The following THEMIS variants were observed in gnomAD, a reference collection of about 807,000 sequenced individuals.
The protein encoded by THEMIS is thymocyte selection associated.
THEMIS carries 37 observed loss-of-function variants against 52.6 expected under a neutral mutation model. The ratio of observed to expected loss-of-function variants is 0.70; its 90% confidence interval spans 0.54 to 0.93. THEMIS has a LOEUF of 0.93. THEMIS is among the 40% of genes least tolerant of loss of function. The pLI is 0.00. For synonymous variants in THEMIS, 292 were observed against 272.7 expected (o/e 1.07, Z -0.70); for missense variants, 808 against 763.1 (o/e 1.06, Z -0.69).
chr6:127,891,538 CAAAAAAAA>C (rs67886431), intron 1 of THEMIS, among the ~76,000 whole-genome samples: 7 of 96,838 alleles, frequency 7.2e-5, no homozygotes, highest in Non-Finnish European at 1.2e-4. Flanking sequence ...TCCAGCTCAA[CAAAAAAAA>C]AAAAAAAAAA....
chr6:127,730,449 GAA>G (rs1774749930), intron 4 of THEMIS, among the ~76,000 whole-genome samples: 1 of 36,424 alleles, frequency 2.7e-5, no homozygotes, highest in Non-Finnish European at 4.3e-5. Flanking sequence ...GAGAACAAAC[GAA>G]AGAAAGAAAG....
chr6:127,813,519 A>T lies in THEMIS; in HGVS notation c.1122T>A (p.His374Gln), dbSNP rs202139628. The change falls in exon 4 of 6, where the codon CAT becomes CAA. Residue 374 changes from histidine (H) to glutamine (Q), a missense_variant. Transcript: ENST00000368248. Reference protein sequence around the residue: ...PLHVVATKAFHSPHDKLSSVS... With the variant: ...PLHVVATKAFQSPHDKLSSVS... ...CGGATGACAGCTTGTCATGAGGGGA[A>T]TGAAACGCTTTGGTGGCCACCACGT... 1.4e-5 allele frequency: 22 copies of T among 1,613,736 alleles called. No individual in the cohort carries two copies. In the East Asian group the frequency reaches 4.9e-4, roughly 36 times the overall value.
chr6:127,793,878 C>A (rs1777241014), intron 4 of THEMIS, among the ~76,000 whole-genome samples: 1 of 152,132 alleles, frequency 6.6e-6, no homozygotes, highest in Admixed American at 6.5e-5. Flanking sequence ...ATTTACAGAG[C>A]CAGGGCGAGA....
At chr6:127,914,240 C>A (rs538789821) in intron 1 of THEMIS, among the ~76,000 whole-genome samples, 4 of 152,176 alleles carry the variant, frequency 2.6e-5, no homozygotes, top group African/African-American at 7.2e-5. Flanking sequence ...GATTTTGGAG[C>A]ATTTTGGATT....
intron 4 of THEMIS, among the ~76,000 whole-genome samples, chr6:127,779,387 CAGAG>C (rs915312485): frequency 6.6e-6 from 1 of 152,068 alleles, no homozygotes; most frequent in African/African-American, 2.4e-5. Flanking sequence ...TTTCCAGAGA[CAGAG>C]ACATACAAGT....
At chr6:127,814,970 AATATAGT>A (rs1242908795) in intron 3 of THEMIS, among the ~76,000 whole-genome samples, 2 of 152,154 alleles carry the variant, frequency 1.3e-5, no homozygotes, top group African/African-American at 4.8e-5. Context: ...TAGCCTGGGC[AATATAGT>A]GAGACCTTGT....
intron 1 of THEMIS, among the ~76,000 whole-genome samples, chr6:127,881,846 T>C: frequency 6.6e-6 from 1 of 151,872 alleles, no homozygotes; most frequent in East Asian, 1.9e-4. Context: ...AAACTTCAAA[T>C]TTACATTCTT....
chr6:127,839,718 A>T (rs921818206), intron 2 of THEMIS, among the ~76,000 whole-genome samples: 2 of 152,068 alleles, frequency 1.3e-5, no homozygotes, highest in African/African-American at 4.8e-5. Flanking sequence ...TTCTGGCCAT[A>T]TTTACTTACT....
At chr6:127,892,372 C>A (rs1386640571) in intron 1 of THEMIS, among the ~76,000 whole-genome samples, 3 of 152,168 alleles carry the variant, frequency 2.0e-5, no homozygotes, top group Non-Finnish European at 2.9e-5. Flanking sequence ...GCCCCGGTCA[C>A]CCTATCAAAA....
At chr6:127,763,665 A>G (rs897759953) in intron 4 of THEMIS, among the ~76,000 whole-genome samples, 1 of 151,974 alleles carries the variant, frequency 6.6e-6, no homozygotes, top group African/African-American at 2.4e-5. Context: ...TCTTCATATA[A>G]AACTACATTG....
intron 4 of THEMIS, among the ~76,000 whole-genome samples, chr6:127,763,306 GCTTTTGTGTGCATT>G (rs987596256): frequency 6.6e-6 from 1 of 151,940 alleles, no homozygotes; most frequent in African/African-American, 2.4e-5. Context: ...CTTACAGAAT[GCTTTTGTGTGCATT>G]ATCTCATTGA....
intron 4 of THEMIS, among the ~76,000 whole-genome samples, chr6:127,796,318 T>C (rs1777328774): frequency 6.6e-6 from 1 of 152,198 alleles, no homozygotes; most frequent in South Asian, 2.1e-4. Flanking sequence ...GAACTTTTAC[T>C]TCCTGTTCCT....
At chr6:127,725,661 A>T (rs1774518632) in intron 4 of THEMIS, among the ~76,000 whole-genome samples, 1 of 152,162 alleles carries the variant, frequency 6.6e-6, no homozygotes, top group African/African-American at 2.4e-5. Context: ...TCATCCATAT[A>T]GACAGTCATT....
intron 4 of THEMIS, among the ~76,000 whole-genome samples, chr6:127,762,861 C>A (rs1441590893): frequency 6.6e-6 from 1 of 151,928 alleles, no homozygotes; most frequent in Non-Finnish European, 1.5e-5. Context: ...TATTTCTAGG[C>A]TACATACACA....
chr6:127,757,723 T>C (rs904794403), intron 4 of THEMIS, among the ~76,000 whole-genome samples: 5 of 152,174 alleles, frequency 3.3e-5, no homozygotes, highest in African/African-American at 1.2e-4. Flanking sequence ...GACCTCGTGA[T>C]TGGCCCGCCT....
intron 1 of THEMIS, among the ~76,000 whole-genome samples, chr6:127,874,664 C>T (rs1337346838): frequency 1.3e-5 from 2 of 152,160 alleles, no homozygotes; most frequent in South Asian, 2.1e-4. Context: ...CTAAACTTCA[C>T]ATTATACACA....
intron 2 of THEMIS, among the ~76,000 whole-genome samples, chr6:127,844,473 T>C (rs1483838405): frequency 6.6e-6 from 1 of 151,900 alleles, no homozygotes; most frequent in East Asian, 1.9e-4. Context: ...AGTCTAAATA[T>C]TAAAACAGAA....
chr6:127,781,602 T>C (rs1776746356), intron 4 of THEMIS, among the ~76,000 whole-genome samples: 1 of 152,330 alleles, frequency 6.6e-6, no homozygotes, highest in Middle Eastern at 3.4e-3. Context: ...TTCTTGATGC[T>C]GATGCTATTC....
At chr6:127,747,847 C>T (rs1168948717) in intron 4 of THEMIS, among the ~76,000 whole-genome samples, 1 of 152,016 alleles carries the variant, frequency 6.6e-6, no homozygotes, top group Non-Finnish European at 1.5e-5. Context: ...CCCTGATTTT[C>T]TCCCATTCTC....
Sources: gnomAD v4.1 joint callset for allele counts (sites outside exome capture counted in the v4.1 genomes callset) on GRCh38, gnomAD v4.1.1 for gene constraint, MANE v1.5 for transcripts, NCBI Gene and HGNC (gene_info 2026-07-23, HGNC 2026-07-21) for gene names.